Variants in GRAMD1A observed in about 807,000 individuals in gnomAD.
GRAMD1A encodes GRAM domain containing 1A, also known as protein Aster-A.
A neutral mutation model predicts 92.0 loss-of-function variants in GRAMD1A; 50 were observed. That is an observed-to-expected ratio of 0.54 (90% CI 0.43 to 0.69). The LOEUF is 0.69. GRAMD1A is among the 30% of genes least tolerant of loss of function. The pLI is 0.00. For missense variants in GRAMD1A, 819 were observed against 978.9 expected, an observed-to-expected ratio of 0.84 and a Z score of 2.18; for synonymous variants, 405 against 403.6, an observed-to-expected ratio of 1.00 and a Z score of -0.04.
rs778930595 is a variant in GRAMD1A at position 35,009,286 on chromosome 19, G to A, written c.176G>A (p.Ser59Asn). Residue 59 changes from serine to asparagine, a missense_variant, in exon 2 of 20, where the codon AGC becomes AAC. By Grantham distance (46) the Ser-to-Asn change is conservative (BLOSUM62 1). This residue lies in a region of GRAMD1A where 98 missense variants were observed against 84.0 expected (regional missense o/e 1.17). Coordinates refer to ENST00000317991, the MANE Select transcript of GRAMD1A (RefSeq NM_020895.5). ...SEKGGVPGTP[S>N]TQSLGSRNFI... is the part of the protein sequence containing the mutation. ...AAGGGTGGGGTGCCTGGGACCCCCA[G>A]CACCCAGAGCCTAGGCAGCCGGAAC... The A allele has an allele frequency of 1.4e-5, 22 of 1,613,986 alleles. No homozygotes were observed. Among genetic ancestry groups the A allele is most frequent in the Non-Finnish European group, 1.9e-5 (22 of 1,179,976 alleles).
intron 1 of GRAMD1A, chr19:35,005,844 C>T (rs1397700332): frequency 4.4e-6 from 2 of 456,098 alleles, no homozygotes; most frequent in Admixed American, 4.7e-5. Flanking sequence ...CACGCATGAG[C>T]CAAAGTCCTG....
At chr19:35,003,293 A>G (rs574931229) in intron 1 of GRAMD1A, among the ~76,000 whole-genome samples, 1 of 152,174 alleles carries the variant, frequency 6.6e-6, no homozygotes, top group East Asian at 1.9e-4. Context: ...ACACCTGTGG[A>G]TGCATCCGCC....
intron 11 of GRAMD1A, among the ~76,000 whole-genome samples, chr19:35,018,668 A>G (rs887746079): frequency 1.3e-5 from 2 of 152,164 alleles, no homozygotes; most frequent in African/African-American, 4.8e-5. Context: ...CACTCAAGGG[A>G]AGGCTGGCAG....
Position 35,013,473 on chromosome 19 carries a change from TGGA to T in GRAMD1A, c.720-64_720-62del. 6.4e-7 allele frequency: 1 copy of T among 1,556,218 alleles called. No homozygotes were observed. Among genetic ancestry groups the T allele is most frequent in the African/African-American group, 1.4e-5 (1 of 73,910 alleles). On this transcript the variant is annotated intron_variant, in intron 8 of 19. Transcript: ENST00000317991. The surrounding 1 kb of genome is among the most constrained non-coding windows in gnomAD (Gnocchi z 4.9). ...GGGCCTGAGATGGTTGTATGACGTC[TGGA>T]GGATTCAGGAGGGTGTATGGGGTCT...
rs191904702 is a variant in GRAMD1A, at chr19:35,003,188, G to C, written c.8+2702G>C. Among the ~76,000 whole-genome samples, 895 of 151,166 alleles carry C rather than the reference G, an allele frequency of 5.9e-3. 6 individuals are homozygous for C. The highest frequency in any genetic ancestry group is 0.021 in the African/African-American group (857 of 41,220). ...TGTGTGTGTGTGTGTGCATATGAGA[G>C]AGAGAGAGAGGAAAGAGACTCCTTG... is the stretch of plus-strand genomic sequence containing the variant. On this transcript the variant is annotated intron_variant, in intron 1 of 19. Transcript: ENST00000317991.
At position 35,023,226 on chromosome 19, in the gene GRAMD1A, C is replaced by T. The variant is rs764716349; in HGVS notation, c.1854-10C>T. ...CCCCAGGAATCCTGACCTCTGACCCCTGTCCCCAGCCTTATCATCCTCATC... is the reference window on the plus strand; with the variant it reads ...CCCCAGGAATCCTGACCTCTGACCCTTGTCCCCAGCCTTATCATCCTCATC... On this transcript the variant is annotated splice_polypyrimidine_tract_variant and intron_variant, in intron 17 of 19. Coordinates refer to ENST00000317991, the MANE Select transcript of GRAMD1A (RefSeq NM_020895.5). 1.6e-5 allele frequency: 25 copies of T among 1,607,838 alleles called. No individual in the cohort carries two copies. Among genetic ancestry groups the T allele is most frequent in the Non-Finnish European group, 2.1e-5 (25 of 1,174,418 alleles).
At chr19:35,017,383 G>A (rs2015716426) in intron 11 of GRAMD1A, among the ~76,000 whole-genome samples, 2 of 152,086 alleles carry the variant, frequency 1.3e-5, no homozygotes, top group Admixed American at 1.3e-4. Context: ...TAGTTTTGGG[G>A]GCCTTGTAGC....
At chr19:34,999,270 CTG>C (rs1275607975), upstream of GRAMD1A, 1 of 152,292 alleles carries the variant, frequency 6.6e-6, no homozygotes, top group Non-Finnish European at 1.5e-5. Flanking sequence ...AGAAAAGACT[CTG>C]AAGTTCTGGG....
At chr19:34,995,963 C>T, upstream of GRAMD1A, 2 of 1,392,318 alleles carry the variant, frequency 1.4e-6, no homozygotes, top group Non-Finnish European at 9.6e-7. Context: ...AGCGGGAGCT[C>T]TATCCCTCAT....
chr19:35,024,040 G>A (rs2016272382), intron 19 of GRAMD1A, among the ~76,000 whole-genome samples: 1 of 152,206 alleles, frequency 6.6e-6, no homozygotes, highest in South Asian at 2.1e-4. Flanking sequence ...TGGTCTGAAG[G>A]GGAGAGACTC....
intron 6 of GRAMD1A, among the ~76,000 whole-genome samples, chr19:35,010,983 A>C (rs1348290105): frequency 2.0e-5 from 3 of 151,412 alleles, no homozygotes; most frequent in Non-Finnish European, 4.4e-5. Context: ...CTGTAGTCCC[A>C]GCTACTCACT....
chr19:35,022,362 A>T (rs1303911458), intron 16 of GRAMD1A, among the ~76,000 whole-genome samples: 1 of 152,104 alleles, frequency 6.6e-6, no homozygotes, highest in East Asian at 1.9e-4. Context: ...CTAACAAGTG[A>T]GGTCATTTAT....
At position 35,022,894 on chromosome 19, in the gene GRAMD1A, C is replaced by T; in HGVS notation, c.1842-6C>T. On this transcript the variant is annotated splice_region_variant and splice_polypyrimidine_tract_variant and intron_variant, in intron 16 of 19. Coordinates refer to ENST00000317991, the MANE Select transcript of GRAMD1A (RefSeq NM_020895.5). The stretch of plus-strand genomic sequence containing the variant: ...TCTCTGTCTCCCCTCACTGCTGCTG[C>T]TGCAGGATCTGTGTGAGGTAGGGTC... 1 of 1,604,348 alleles carries T rather than the reference C, an allele frequency of 6.2e-7. No homozygotes were observed. Among genetic ancestry groups the T allele is most frequent in the South Asian group, 1.1e-5 (1 of 89,310 alleles).
chr19:35,019,168 C>T (rs1179372872), intron 11 of GRAMD1A, 23 bp from the exon 12 acceptor site: 11 of 1,513,176 alleles, frequency 7.3e-6, no homozygotes, highest in Non-Finnish European at 1.0e-5. Flanking sequence ...GTGGCCTCCT[C>T]ATGCTGCTCC....
intron 16 of GRAMD1A, 117 bp from the exon 17 acceptor site, chr19:35,022,783 A>C: frequency 3.4e-6 from 3 of 885,032 alleles, no homozygotes; most frequent in Non-Finnish European, 4.8e-6. Flanking sequence ...GCTCTCATCC[A>C]GTGAGGGGGC....
At chr19:34,995,879 G>C (rs2014015255), upstream of GRAMD1A, 2 of 662,910 alleles carry the variant, frequency 3.0e-6, no homozygotes. Flanking sequence ...CACTGCGCCT[G>C]GTCCCCAACT....
intron 11 of GRAMD1A, among the ~76,000 whole-genome samples, chr19:35,017,111 G>T (rs1420154500): frequency 6.6e-6 from 1 of 151,858 alleles, no homozygotes. Context: ...GGAGGTGGAG[G>T]TTGCAGTGAG....
intron 19 of GRAMD1A, among the ~76,000 whole-genome samples, chr19:35,024,071 A>T (rs2016275132): frequency 6.6e-6 from 1 of 152,220 alleles, no homozygotes; most frequent in South Asian, 2.1e-4. Flanking sequence ...CTGAGGTCTC[A>T]TCTCCAAAAC....
upstream of GRAMD1A, chr19:34,996,253 G>A: frequency 7.2e-6 from 11 of 1,535,148 alleles, no homozygotes; most frequent in Non-Finnish European, 9.6e-6. Flanking sequence ...GCCGGCAGCA[G>A]CAGAGGATGC....
Sources: allele counts gnomAD v4.1 joint callset (sites outside exome capture counted in the v4.1 genomes callset), GRCh38; gene constraint gnomAD v4.1.1; regional missense constraint gnomAD v4.1.1; non-coding constraint Gnocchi (gnomAD v3.1); transcripts MANE v1.5; gene names NCBI Gene and HGNC (gene_info 2026-07-23, HGNC 2026-07-21).